FSTL4: variants seen among roughly 807,000 people sequenced by gnomAD.
The protein encoded by FSTL4 is follistatin-related protein 4.
A neutral mutation model predicts 78.2 loss-of-function variants in FSTL4; 28 were observed. The observed-to-expected ratio is 0.36, with a 90% confidence interval of 0.27 to 0.49. The LOEUF (loss-of-function observed/expected upper bound fraction) is 0.49. Among genes scored for constraint, FSTL4 ranks in the 20% least tolerant of loss-of-function variants. The pLI is 0.98. For missense variants in FSTL4, 922 were observed against 1,084.9 expected (o/e 0.85, Z 2.11); for synonymous variants, 422 against 440.5 (o/e 0.96, Z 0.53).
chr5:133,219,641 G>A (rs986482039), intron 12 of FSTL4, among the ~76,000 whole-genome samples: 4 of 152,272 alleles, frequency 2.6e-5, no homozygotes, highest in Non-Finnish European at 2.9e-5. Flanking sequence ...ATGGAAAATC[G>A]TTCTTTGGGA....
At chr5:133,687,509 T>G in the FSTL4 span, among the ~76,000 whole-genome samples, 18 of 152,240 alleles carry the variant, frequency 1.2e-4, no homozygotes, top group East Asian at 3.5e-3. Flanking sequence ...GAGAGAGATC[T>G]GAGGAACACC....
intron 3 of FSTL4, 22 bp downstream of exon 3, chr5:133,567,164 G>A (rs763648870): frequency 2.1e-5 from 32 of 1,545,042 alleles, no homozygotes; most frequent in Non-Finnish European, 2.9e-5. Context: ...AAATAAAATG[G>A]GTATGAGTGC....
the FSTL4 span, among the ~76,000 whole-genome samples, chr5:133,829,812 A>G: frequency 6.6e-6 from 1 of 152,180 alleles, no homozygotes; most frequent in South Asian, 2.1e-4. Flanking sequence ...CTCCCCAGAG[A>G]CAAGGTCTCT....
chr5:133,752,624 A>AAATTAAATTAAATT, the FSTL4 span, among the ~76,000 whole-genome samples: 2 of 147,728 alleles, frequency 1.4e-5, no homozygotes, highest in Non-Finnish European at 3.0e-5. Flanking sequence ...AAAATAAAAT[A>AAATTAAATTAAATT]AAATTAAATT....
At chr5:133,838,437 G>A in the FSTL4 span, among the ~76,000 whole-genome samples, 41 of 152,198 alleles carry the variant, frequency 2.7e-4, no homozygotes, top group Non-Finnish European at 5.0e-4. Flanking sequence ...GGGGCCTCCC[G>A]TGAGTTTCCA....
intron 6 of FSTL4, among the ~76,000 whole-genome samples, chr5:133,251,137 C>T (rs1752220020): frequency 6.6e-6 from 1 of 152,204 alleles, no homozygotes; most frequent in Non-Finnish European, 1.5e-5. Context: ...AGGCTTATTG[C>T]CCAGGGCAGG....
chr5:133,242,917 G>A (rs958746479), intron 7 of FSTL4, among the ~76,000 whole-genome samples: 3 of 152,100 alleles, frequency 2.0e-5, no homozygotes, highest in Non-Finnish European at 4.4e-5. Flanking sequence ...CTAATCAAAC[G>A]CCTCTCATCT....
At chr5:133,483,264 T>C (rs751592301) in intron 3 of FSTL4, among the ~76,000 whole-genome samples, 4 of 152,202 alleles carry the variant, frequency 2.6e-5, no homozygotes, top group Non-Finnish European at 4.4e-5. Flanking sequence ...CTCTTTTTCT[T>C]TGTAAATTGC....
the FSTL4 span, among the ~76,000 whole-genome samples, chr5:133,651,173 A>G: frequency 8.5e-5 from 13 of 152,110 alleles, 1 homozygote; most frequent in Non-Finnish European, 5.9e-5. Context: ...TGATCATGTC[A>G]TCTGCACACA....
chr5:133,646,106 C>G, the FSTL4 span, among the ~76,000 whole-genome samples: 1 of 151,962 alleles, frequency 6.6e-6, no homozygotes, highest in Non-Finnish European at 1.5e-5. Context: ...ATCAGGTGGA[C>G]AAAAATACAC....
intron 4 of FSTL4, among the ~76,000 whole-genome samples, chr5:133,374,056 C>T (rs1016843309): frequency 1.3e-5 from 2 of 152,100 alleles, no homozygotes; most frequent in Non-Finnish European, 2.9e-5. Context: ...AACCCTGAGC[C>T]CCACATTAAT....
chr5:133,427,493 G>A (rs904398427), intron 3 of FSTL4: 1 of 418,654 alleles, frequency 2.4e-6, no homozygotes, highest in African/African-American at 2.0e-5. Flanking sequence ...AAGGGTGAGT[G>A]AGTGTGTGTT....
intron 6 of FSTL4, among the ~76,000 whole-genome samples, chr5:133,286,420 CCTAA>C (rs949535544): frequency 4.6e-5 from 7 of 152,190 alleles, no homozygotes; most frequent in Admixed American, 6.5e-5. Context: ...TGCAATGAGA[CCTAA>C]CTTTTTCTGA....
intron 7 of FSTL4, among the ~76,000 whole-genome samples, chr5:133,241,364 T>G (rs1432704486): frequency 6.6e-6 from 1 of 152,216 alleles, no homozygotes; most frequent in African/African-American, 2.4e-5. Context: ...TTCAGTTGGC[T>G]CAAAAACTCA....
intron 4 of FSTL4, among the ~76,000 whole-genome samples, chr5:133,317,339 C>T (rs1225808334): frequency 1.3e-5 from 2 of 152,194 alleles, no homozygotes; most frequent in Admixed American, 6.5e-5. Flanking sequence ...CACAGTTTAT[C>T]TTGCTGGTGA....
the FSTL4 span, among the ~76,000 whole-genome samples, chr5:133,816,168 C>T: frequency 6.6e-6 from 1 of 152,182 alleles, no homozygotes; most frequent in African/African-American, 2.4e-5. Flanking sequence ...GCTGACCTAT[C>T]TGAAGGTGAG....
chr5:133,472,526 T>C (rs1178384051), intron 3 of FSTL4, among the ~76,000 whole-genome samples: 2 of 152,220 alleles, frequency 1.3e-5, no homozygotes, highest in Non-Finnish European at 2.9e-5. Flanking sequence ...TGTGAGGATA[T>C]GTGGAAGGCA....
chr5:133,316,530 G>A lies in FSTL4; in HGVS notation c.532C>T (p.Leu178=). The A allele has an allele frequency of 1.2e-6, 2 of 1,614,192 alleles. No homozygotes were observed. Residue 178 remains leucine, a synonymous_variant, in exon 5 of 16, where the codon CTG becomes TTG. Transcript: ENST00000265342. ...AAGTCCCTGAACAGAGATTCCACCA[G>A]GAGGCGCTTCTGGGAGGCAGGGTCT... ...RQDPASQKRL[L]VESLFRDLDA...
At chr5:133,433,384 C>A (rs905196716) in intron 3 of FSTL4, among the ~76,000 whole-genome samples, 2 of 152,198 alleles carry the variant, frequency 1.3e-5, no homozygotes, top group African/African-American at 4.8e-5. Flanking sequence ...GGGTAGGGCA[C>A]CCCTTCAAGC....
Sources: allele counts gnomAD v4.1 joint callset (sites outside exome capture counted in the v4.1 genomes callset), GRCh38; gene constraint gnomAD v4.1.1; transcripts MANE v1.5; gene names NCBI Gene and HGNC (gene_info 2026-07-23, HGNC 2026-07-21).